SCNN1A: variants seen among roughly 807,000 people sequenced by gnomAD.
SCNN1A encodes the protein sodium channel epithelial 1 subunit alpha.
A neutral mutation model predicts 68.6 loss-of-function variants in SCNN1A; 65 were observed. That is an observed-to-expected ratio of 0.95 (90% CI 0.78 to 1.16). The LOEUF is 1.16. Ranked by LOEUF, SCNN1A falls within the 50% of genes most tolerant of loss-of-function variation. The probability of loss-of-function intolerance (pLI) is 0.00; values close to 1 mark genes in which losing one functional copy is unlikely to be tolerated. For missense variants in SCNN1A, 880 were observed against 865.9 expected (o/e 1.02, Z -0.20); for synonymous variants, 357 against 353.3 (o/e 1.01, Z -0.12).
At chr12:6,362,009 C>G (rs368229905) in intron 4 of SCNN1A, 42 bp downstream of exon 4, 1 of 1,603,682 alleles carries the variant, frequency 6.2e-7, no homozygotes, top group South Asian at 1.1e-5. Context: ...CCCAGGGAAG[C>G]GGACCCCGCG....
rs1355029464 is a variant in SCNN1A at position 6,351,183 on chromosome 12, C to T, written c.1361-1778G>A. Among the ~76,000 whole-genome samples, 1 of 152,224 alleles carries T rather than the reference C, an allele frequency of 6.6e-6. No individual in the cohort carries two copies. On this transcript the variant is annotated intron_variant, in intron 8 of 12. Coordinates refer to ENST00000228916, the MANE Select transcript of SCNN1A (RefSeq NM_001038.6). This position sits in a 1 kb window ranked among gnomAD's most constrained non-coding sequence, Gnocchi z 4.2. ...GATAAATGGGTAAACAAAGTGTGGT[C>T]TATCCATACAAGGGAGTGTTGTTAT...
At chr12:6,375,934 A>T, upstream of SCNN1A, 1 of 1,021,448 alleles carries the variant, frequency 9.8e-7, no homozygotes, top group Non-Finnish European at 1.2e-6. Context: ...AGAGATAGGG[A>T]TGGAGGAGGG....
chr12:6,363,783 C>T (rs1948625834), intron 2 of SCNN1A, 73 bp from the exon 3 acceptor site: 2 of 1,421,160 alleles, frequency 1.4e-6, no homozygotes, highest in Non-Finnish European at 1.9e-6. Flanking sequence ...GGGTCAGGGT[C>T]CTCATCTGTG....
intron 2 of SCNN1A, chr12:6,364,142 T>G (rs1037594522): frequency 6.3e-6 from 1 of 158,314 alleles, no homozygotes; most frequent in African/African-American, 2.4e-5. Flanking sequence ...TCGGCTTGAG[T>G]GCCGCTTGGC....
At chr12:6,353,812 A>C (rs1055909959) in intron 8 of SCNN1A, 1 of 142,260 alleles carries the variant, frequency 7.0e-6, no homozygotes, top group South Asian at 2.3e-4. Context: ...GATGGTCTCC[A>C]TCTCCTGACC....
chr12:6,363,592 C>G lies in SCNN1A; in HGVS notation c.535G>C (p.Asp179His). 2.5e-6 allele frequency: 4 copies of G among 1,612,110 alleles called. No homozygotes were observed. The highest frequency in any genetic ancestry group is 3.4e-6 in the Non-Finnish European group (4 of 1,179,196). ...TLVAGSRSRR[D>H]LRGTLPHPLQ... ...GGGTGCGGCAGAGTCCCCCGCAGGT[C>G]GCGACGGCTGCGGGAGCCGGCCACG... Residue 179 changes from aspartate to histidine, a missense_variant, in exon 3 of 13, where the codon GAC becomes CAC. By Grantham distance (81) the Asp-to-His change is moderately conservative. Transcript: ENST00000228916.
chr12:6,359,194 T>C (rs931845859), intron 4 of SCNN1A, among the ~76,000 whole-genome samples: 4 of 152,148 alleles, frequency 2.6e-5, no homozygotes, highest in Non-Finnish European at 4.4e-5. Context: ...CAACTCCAAA[T>C]ATATTAAAAA....
chr12:6,360,292 A>G (rs1948561950), intron 4 of SCNN1A, among the ~76,000 whole-genome samples: 1 of 152,190 alleles, frequency 6.6e-6, no homozygotes, highest in African/African-American at 2.4e-5. Context: ...GTGCCAAGAT[A>G]AAGATGAACC....
Position 6,362,080 on chromosome 12 carries a change from G to T in SCNN1A, c.846C>A (p.Cys282Ter), listed in dbSNP as rs771678842. 6.2e-6 allele frequency: 10 copies of T among 1,614,240 alleles called. No homozygotes were observed. The highest frequency in any genetic ancestry group is 8.5e-6 in the Non-Finnish European group (10 of 1,180,050). The change falls in exon 4 of 13, where the codon TGC (cysteine) becomes TGA (stop). Residue 282 changes from cysteine (C) to a stop codon, truncating the protein, a stop_gained. Coordinates refer to ENST00000228916, the MANE Select transcript of SCNN1A (RefSeq NM_001038.6). LOFTEE classifies it high-confidence loss of function. ...EDTLGNFIFA[C>*]RFNQVSCNQA... ...GGTTGCAGGAGACCTGGTTGAAGCG[G>T]CAGGCGAAGATGAAGTTGCCCAGCG...
At chr12:6,355,120 G>T in intron 6 of SCNN1A, 152 bp downstream of exon 6, 1 of 902,536 alleles carries the variant, frequency 1.1e-6, no homozygotes, top group Non-Finnish European at 1.8e-6. Context: ...ACTTCCCAGT[G>T]CCAGCCCCTC....
intron 3 of SCNN1A, among the ~76,000 whole-genome samples, chr12:6,362,705 G>A (rs1216341161): frequency 2.0e-5 from 3 of 150,778 alleles, no homozygotes; most frequent in African/African-American, 4.9e-5. Flanking sequence ...TTTGGCAGAC[G>A]AGCTCACTCT....
rs1269336061 is a variant in SCNN1A, at chr12:6,347,196, C to T, written c.*677G>A. 1 of 152,698 alleles carries T rather than the reference C, an allele frequency of 6.5e-6. No individual in the cohort carries two copies. Among genetic ancestry groups the T allele is most frequent in the Non-Finnish European group, 1.5e-5 (1 of 68,452 alleles). 9.5% of individuals were successfully genotyped at this position (152,698 alleles called of 1,614,324 possible). On this transcript the variant is annotated 3_prime_UTR_variant, in exon 13 of 13. Transcript: ENST00000228916. ...GGAAACTTTCAGGCTGAGGAAATAT[C>T]TCAAGCAGACATGTAGAGGTATGAA...
In SCNN1A at chr12:6,348,262, G is replaced by A. The variant is rs765347706; in HGVS notation, c.1630-9C>T. 1 of 1,613,938 alleles carries A rather than the reference G, an allele frequency of 6.2e-7. No homozygotes were observed. The highest frequency in any genetic ancestry group is 1.1e-5 in the South Asian group (1 of 91,054). On this transcript the variant is annotated splice_polypyrimidine_tract_variant and intron_variant, in intron 12 of 12. Coordinates refer to ENST00000228916, the MANE Select transcript of SCNN1A (RefSeq NM_001038.6). ...GACAGGAGGGTGACCATCTGTGAGAGGAGAGGTACATTGACGATGGGACAG... is the reference window on the plus strand; with the variant it reads ...GACAGGAGGGTGACCATCTGTGAGAAGAGAGGTACATTGACGATGGGACAG...
intron 4 of SCNN1A, among the ~76,000 whole-genome samples, chr12:6,357,995 T>C (rs1303225926): frequency 1.3e-5 from 2 of 151,868 alleles, no homozygotes; most frequent in African/African-American, 4.8e-5. Flanking sequence ...TGAAACTCCG[T>C]CTCCAAAAGA....
At chr12:6,362,773 G>A (rs1481189529) in intron 3 of SCNN1A, among the ~76,000 whole-genome samples, 3 of 150,982 alleles carry the variant, frequency 2.0e-5, no homozygotes, top group Non-Finnish European at 2.9e-5. Context: ...TCCATCTCCC[G>A]AGTTCAAGCA....
chr12:6,354,749 C>T lies in SCNN1A; in HGVS notation c.1242+1G>A. 2 of 1,613,238 alleles carry T rather than the reference C, an allele frequency of 1.2e-6. No individual in the cohort carries two copies. The highest frequency in any genetic ancestry group is 1.7e-6 in the Non-Finnish European group (2 of 1,179,278). On this transcript the variant is annotated splice_donor_variant, in intron 7 of 12. Coordinates refer to ENST00000228916, the MANE Select transcript of SCNN1A (RefSeq NM_001038.6). LOFTEE classifies it high-confidence loss of function. ...TGCCACGGAATCAGGTTGGGCCTCA[C>T]CTGCTGTGTGTACTTTGAAGGGTAA...
At chr12:6,359,921 C>A (rs1948556366) in intron 4 of SCNN1A, among the ~76,000 whole-genome samples, 1 of 152,000 alleles carries the variant, frequency 6.6e-6, no homozygotes, top group Non-Finnish European at 1.5e-5. Flanking sequence ...CAGATGTGTG[C>A]CACCACACCC....
intron 2 of SCNN1A, among the ~76,000 whole-genome samples, chr12:6,367,055 C>T (rs941317421): frequency 5.3e-5 from 8 of 151,948 alleles, no homozygotes; most frequent in African/African-American, 1.5e-4. Context: ...CTGGGCAACA[C>T]GACGAAACCT....
At chr12:6,353,795 T>G (rs566424832) in intron 8 of SCNN1A, 1 of 137,296 alleles carries the variant, frequency 7.3e-6, no homozygotes, top group Non-Finnish European at 1.5e-5. Context: ...TTCACCGTGT[T>G]AGCCAGGATG....
Sources: allele counts gnomAD v4.1 joint callset (sites outside exome capture counted in the v4.1 genomes callset), GRCh38; gene constraint gnomAD v4.1.1; non-coding constraint Gnocchi (gnomAD v3.1); transcripts MANE v1.5; gene names NCBI Gene and HGNC (gene_info 2026-07-23, HGNC 2026-07-21).